The following FARS2 variants were observed in gnomAD, a reference collection of about 807,000 sequenced individuals.
FARS2 encodes the protein phenylalanine--tRNA ligase, mitochondrial.
In FARS2, 40 loss-of-function variants were observed where a neutral mutation model predicts 46.4. That is an observed-to-expected ratio of 0.86 (90% confidence interval 0.67 to 1.12). FARS2 has a LOEUF of 1.12. Ranked by LOEUF, FARS2 falls within the 50% of genes most tolerant of loss-of-function variation. FARS2 has a pLI of 0.00. For synonymous variants in FARS2, 234 were observed against 214.9 expected (o/e 1.09, Z -0.78); for missense variants, 513 against 567.9 (o/e 0.90, Z 0.98).
At chr6:5,463,544 A>G (rs186303601) in intron 4 of FARS2, among the ~76,000 whole-genome samples, 43 of 152,340 alleles carry the variant, frequency 2.8e-4, no homozygotes, top group Admixed American at 3.3e-4. Flanking sequence ...GAGAAAGAGC[A>G]TTGTTATGTT....
intron 5 of FARS2, among the ~76,000 whole-genome samples, chr6:5,583,150 A>G (rs1773430008): frequency 6.6e-6 from 1 of 152,252 alleles, no homozygotes; most frequent in Non-Finnish European, 1.5e-5. Flanking sequence ...AAAATTAAAA[A>G]GTTATTGTAA....
At chr6:5,550,541 C>T (rs766889419) in intron 5 of FARS2, among the ~76,000 whole-genome samples, 19 of 152,204 alleles carry the variant, frequency 1.2e-4, no homozygotes, top group Admixed American at 2.6e-4. Flanking sequence ...GTCAGGGTTA[C>T]AGGCATGATG....
chr6:5,406,722 A>G (rs911538944), intron 3 of FARS2, among the ~76,000 whole-genome samples: 3 of 121,048 alleles, frequency 2.5e-5, no homozygotes, highest in Non-Finnish European at 2.1e-5. Flanking sequence ...TAAAGCGTCT[A>G]TGAACATTCA....
intron 6 of FARS2, among the ~76,000 whole-genome samples, chr6:5,707,774 A>G (rs1175054497): frequency 6.6e-6 from 1 of 152,168 alleles, no homozygotes; most frequent in Non-Finnish European, 1.5e-5. Flanking sequence ...TCCCCGGCGC[A>G]CATCTCACAG....
chr6:5,375,048 C>T (rs1759291361), intron 2 of FARS2, among the ~76,000 whole-genome samples: 1 of 152,028 alleles, frequency 6.6e-6, no homozygotes, highest in African/African-American at 2.4e-5. Context: ...CTTCCTATCA[C>T]TGTTCATCAT....
chr6:5,681,627 A>G (rs921554123), intron 6 of FARS2, among the ~76,000 whole-genome samples: 1 of 152,256 alleles, frequency 6.6e-6, no homozygotes, highest in African/African-American at 2.4e-5. Flanking sequence ...AAGGTGGGGA[A>G]ATCCCCAAGA....
At chr6:5,347,088 A>G (rs374649707) in intron 1 of FARS2, among the ~76,000 whole-genome samples, 1 of 151,810 alleles carries the variant, frequency 6.6e-6, no homozygotes, top group Non-Finnish European at 1.5e-5. Context: ...TAATTTTTGT[A>G]TTTTTAGTAG....
chr6:5,499,902 G>T (rs1256890332), intron 4 of FARS2, among the ~76,000 whole-genome samples: 2 of 152,086 alleles, frequency 1.3e-5, no homozygotes, highest in Non-Finnish European at 2.9e-5. Context: ...TTTTGTGTTG[G>T]TTTTCAACTG....
At chr6:5,406,761 T>G (rs56398369) in intron 3 of FARS2, among the ~76,000 whole-genome samples, 246 of 151,800 alleles carry the variant, frequency 1.6e-3, no homozygotes, top group African/African-American at 5.5e-3. Context: ...TCGTACGTTT[T>G]CACTCCTCAT....
At chr6:5,706,402 G>C (rs1023173716) in intron 6 of FARS2, among the ~76,000 whole-genome samples, 4 of 152,118 alleles carry the variant, frequency 2.6e-5, no homozygotes, top group African/African-American at 9.7e-5. Flanking sequence ...CACATAGTAT[G>C]CTCGTGGTCA....
chr6:5,332,340 A>G (rs1256724618), intron 1 of FARS2, among the ~76,000 whole-genome samples: 1 of 152,268 alleles, frequency 6.6e-6, no homozygotes, highest in Non-Finnish European at 1.5e-5. Flanking sequence ...AATTGAAAGC[A>G]CTGCATAAAT....
chr6:5,687,982 C>T (rs978559059), intron 6 of FARS2, among the ~76,000 whole-genome samples: 19 of 152,280 alleles, frequency 1.2e-4, no homozygotes, highest in East Asian at 1.2e-3. Flanking sequence ...GGAGTTCACT[C>T]ATGATTTGGC....
intron 1 of FARS2, among the ~76,000 whole-genome samples, chr6:5,302,090 A>G (rs993130498): frequency 1.3e-5 from 2 of 152,196 alleles, no homozygotes; most frequent in African/African-American, 2.4e-5. Flanking sequence ...ACTCCAGGTG[A>G]CAGTCTTCCC....
chr6:5,482,732 G>A (rs79634631), intron 4 of FARS2, among the ~76,000 whole-genome samples: 3,784 of 152,268 alleles, frequency 0.025, 136 homozygotes, highest in African/African-American at 0.086. Flanking sequence ...CTCAGTTGAC[G>A]TGGGGCTGGG....
rs78551864 is a variant in FARS2, at chr6:5,771,512, G to A, written c.*83G>A. 1.7e-4 allele frequency: 240 copies of A among 1,409,796 alleles called. No homozygotes were observed. In the African/African-American group the frequency reaches 3.3e-3, roughly 19 times the overall value. The allele number at this position is 1,409,796 out of a possible 1,614,324, so 87.3% of individuals were successfully genotyped here. The stretch of plus-strand genomic sequence containing the variant: ...AAAAAGATATGGTTTGTGAACTGGG[G>A]CATCAATCATCTTTTGATAAATGGA... On this transcript the variant is annotated 3_prime_UTR_variant, in exon 7 of 7. Coordinates refer to ENST00000274680, the MANE Select transcript of FARS2 (RefSeq NM_006567.5).
rs181284169 is a variant in FARS2 at position 5,546,391 on chromosome 6, C to T, written c.1065+1051C>T. On this transcript the variant is annotated intron_variant, in intron 5 of 6. Transcript: ENST00000274680. ...TCAGCCTCCTGAGCAGCTGGGATTA[C>T]AGGCGCCCACCACTACGCCCAGCTA... Among the ~76,000 whole-genome samples the T allele has an allele frequency of 1.4e-3, 215 of 151,482 alleles. 1 individual carries two copies. The highest frequency in any genetic ancestry group is 4.8e-3 in the African/African-American group (200 of 41,270).
rs543947330 is a variant in FARS2, at chr6:5,604,284, C to T, written c.1066-8885C>T. 9.8e-5 allele frequency among the ~76,000 whole-genome samples: 15 copies of T among 152,362 alleles called. No individual in the cohort carries two copies. The South Asian group carries it at 2.9e-3, about 29-fold the overall frequency. On this transcript the variant is annotated intron_variant, in intron 5 of 6. Transcript: ENST00000274680. ...GCCAGGTCTGCCACACTCCCATCTA[C>T]ACTCCTTGAGGCTTGCTGTTTCCCT...
chr6:5,638,187 T>C (rs533429862), intron 6 of FARS2, among the ~76,000 whole-genome samples: 1 of 152,344 alleles, frequency 6.6e-6, no homozygotes, highest in South Asian at 2.1e-4. Flanking sequence ...ATGATATGCT[T>C]GGCTCTGCTA....
At chr6:5,753,637 G>A (rs895650440) in intron 6 of FARS2, among the ~76,000 whole-genome samples, 3 of 152,176 alleles carry the variant, frequency 2.0e-5, no homozygotes, top group African/African-American at 7.2e-5. Flanking sequence ...GTTGAAAAGG[G>A]AACAGCACGT....
Sources: allele counts gnomAD v4.1 joint callset (sites outside exome capture counted in the v4.1 genomes callset), GRCh38; gene constraint gnomAD v4.1.1; transcripts MANE v1.5; gene names NCBI Gene and HGNC (gene_info 2026-07-23, HGNC 2026-07-21).